CSMD1: variants seen among roughly 807,000 people sequenced by gnomAD.
CSMD1 encodes the protein CUB and sushi domain-containing protein 1.
In CSMD1, 213 loss-of-function variants were observed where a neutral mutation model predicts 417.5. The ratio of observed to expected loss-of-function variants is 0.51; its 90% CI spans 0.46 to 0.57. The LOEUF (loss-of-function observed/expected upper bound fraction) is 0.57, where lower values mean the gene tolerates loss of function less well. Among genes scored for constraint, CSMD1 ranks in the 20% least tolerant of loss-of-function variants. The pLI is 0.00. For synonymous variants in CSMD1, 2,862 were observed against 1,736.8 expected, an observed-to-expected ratio of 1.65 and a Z score of -16.11; for missense variants, 6,923 against 4,529.7, an observed-to-expected ratio of 1.53 and a Z score of -15.17.
intron 3 of CSMD1, among the ~76,000 whole-genome samples, chr8:4,245,581 T>C (rs1405119522): frequency 2.6e-5 from 4 of 152,170 alleles, no homozygotes; most frequent in Admixed American, 1.3e-4. Context: ...GAGTTCACAA[T>C]CGATCAGCTG....
chr8:4,102,623 G>C (rs985113601), intron 3 of CSMD1, among the ~76,000 whole-genome samples: 2 of 152,114 alleles, frequency 1.3e-5, no homozygotes, highest in African/African-American at 4.8e-5. Context: ...AATGCCTCCT[G>C]TTCTTGGCCT....
chr8:3,509,621 T>C (rs759682456), intron 10 of CSMD1, among the ~76,000 whole-genome samples: 15 of 152,184 alleles, frequency 9.9e-5, no homozygotes, highest in Non-Finnish European at 1.8e-4. Flanking sequence ...ACAGATCTAA[T>C]CTGGGAAAGG....
At chr8:3,827,523 C>G (rs943795948) in intron 5 of CSMD1, among the ~76,000 whole-genome samples, 1 of 152,134 alleles carries the variant, frequency 6.6e-6, no homozygotes, top group East Asian at 1.9e-4. Context: ...CTAGGTTTCC[C>G]CAAGGCACTG....
Position 3,413,703 on chromosome 8 carries a change from A to C in CSMD1, c.1562-4098T>G, listed in dbSNP as rs73657859. 5.4e-3 allele frequency among the ~76,000 whole-genome samples: 823 copies of C among 152,302 alleles called. 6 individuals carry two copies. Among genetic ancestry groups the C allele is most frequent in the African/African-American group, 0.018 (765 of 41,578 alleles). On this transcript the variant is annotated intron_variant, in intron 12 of 69. Transcript: ENST00000635120. ...TCCAAATTATGGTGACAAAATTCAC[A>C]CAAGTTTTGCAATTTTATTTGAGGT... is the stretch of plus-strand genomic sequence containing the variant.
At chr8:3,217,183 T>C (rs1797930031) in intron 29 of CSMD1, among the ~76,000 whole-genome samples, 1 of 152,164 alleles carries the variant, frequency 6.6e-6, no homozygotes, top group Admixed American at 6.5e-5. Context: ...ATGACATCAC[T>C]GTCGTGGGCT....
At chr8:4,233,946 G>A (rs1801891992) in intron 3 of CSMD1, among the ~76,000 whole-genome samples, 2 of 151,164 alleles carry the variant, frequency 1.3e-5, no homozygotes, top group South Asian at 4.2e-4. Context: ...TGAGACTAAT[G>A]CATGGAGAGC....
At chr8:4,934,788 A>C (rs34876599) in intron 1 of CSMD1, among the ~76,000 whole-genome samples, 42,524 of 151,946 alleles carry the variant, frequency 0.28, 7,370 homozygotes, top group East Asian at 0.45. Flanking sequence ...TCTATCAATC[A>C]TCTATTATCT....
chr8:4,780,982 T>A (rs1797124813), intron 1 of CSMD1, among the ~76,000 whole-genome samples: 1 of 152,204 alleles, frequency 6.6e-6, no homozygotes, highest in African/African-American at 2.4e-5. Flanking sequence ...TATCTCTCAA[T>A]CAAAGGTCAG....
At chr8:3,700,503 T>A (rs1800797613) in intron 7 of CSMD1, 1 of 152,204 alleles carries the variant, frequency 6.6e-6, no homozygotes, top group African/African-American at 2.4e-5. Flanking sequence ...TCAACAGCCA[T>A]ACCACCCTGA....
intron 4 of CSMD1, among the ~76,000 whole-genome samples, chr8:4,000,920 T>C (rs1001028108): frequency 6.6e-6 from 1 of 152,098 alleles, no homozygotes; most frequent in Admixed American, 6.5e-5. Context: ...AAGTCCACGT[T>C]ACCAAAATGA....
intron 1 of CSMD1, among the ~76,000 whole-genome samples, chr8:4,828,106 A>G (rs934153456): frequency 6.6e-6 from 1 of 152,152 alleles, no homozygotes. Context: ...ACAAAGGTAT[A>G]CAAAGTTGAT....
chr8:3,921,465 C>A (rs935057053), intron 5 of CSMD1, among the ~76,000 whole-genome samples: 1 of 151,944 alleles, frequency 6.6e-6, no homozygotes, highest in African/African-American at 2.4e-5. Context: ...TTTCCTAGTT[C>A]AGTGAGGTGT....
intron 37 of CSMD1, among the ~76,000 whole-genome samples, chr8:3,168,956 T>G (rs984019831): frequency 6.6e-6 from 1 of 152,074 alleles, no homozygotes; most frequent in Non-Finnish European, 1.5e-5. Context: ...ACAAATTATA[T>G]TAGCATTTTA....
chr8:3,049,098 C>T (rs1356171169), intron 50 of CSMD1, among the ~76,000 whole-genome samples: 3 of 152,088 alleles, frequency 2.0e-5, no homozygotes, highest in Admixed American at 1.3e-4. Context: ...CTCGCGACAA[C>T]GTGGGGCAAC....
At chr8:3,742,685 C>G (rs1796872038) in intron 6 of CSMD1, among the ~76,000 whole-genome samples, 1 of 151,868 alleles carries the variant, frequency 6.6e-6, no homozygotes, top group South Asian at 2.1e-4. Flanking sequence ...AGTCAGCACT[C>G]CAGTTTAATC....
chr8:4,482,144 T>A (rs1358692050), intron 2 of CSMD1, among the ~76,000 whole-genome samples: 2 of 152,164 alleles, frequency 1.3e-5, no homozygotes, highest in African/African-American at 4.8e-5. Context: ...GCAGGTTACA[T>A]AAGTAAACTT....
intron 10 of CSMD1, among the ~76,000 whole-genome samples, chr8:3,499,112 A>T (rs1053008853): frequency 1.8e-4 from 27 of 152,146 alleles, no homozygotes; most frequent in African/African-American, 6.3e-4. Context: ...TGACAAAACA[A>T]TTTCTCCTAA....
chr8:4,187,592 C>T (rs1798759116), intron 3 of CSMD1, among the ~76,000 whole-genome samples: 2 of 146,012 alleles, frequency 1.4e-5, no homozygotes, highest in African/African-American at 2.5e-5. Flanking sequence ...AGGAGAATCG[C>T]TTGAACCCAG....
chr8:3,073,815 A>G (rs1400214216), intron 49 of CSMD1, among the ~76,000 whole-genome samples: 1 of 152,176 alleles, frequency 6.6e-6, no homozygotes, highest in African/African-American at 2.4e-5. Flanking sequence ...AGTATTCTCT[A>G]CTGAGTAATG....
Sources: gnomAD v4.1 joint callset for allele counts (sites outside exome capture counted in the v4.1 genomes callset) on GRCh38, gnomAD v4.1.1 for gene constraint, MANE v1.5 for transcripts, NCBI Gene and HGNC (gene_info 2026-07-23, HGNC 2026-07-21) for gene names.